The following FIRRM variants were observed in gnomAD, a reference collection of about 807,000 sequenced individuals.
The protein encoded by FIRRM is FIGNL1 interacting regulator of recombination and mitosis.
chr1:169,842,633 A>G, the FIRRM span: 18 of 1,428,260 alleles, frequency 1.3e-5, no homozygotes, highest in South Asian at 8.4e-5. Context: ...AGTAAAATGT[A>G]TCTAATTCTT....
chr1:169,848,657 G>C, the FIRRM span, among the ~76,000 whole-genome samples: 4 of 152,124 alleles, frequency 2.6e-5, no homozygotes, highest in East Asian at 5.8e-4. Context: ...CAGCTTTTCA[G>C]CTCTCTTGAC....
chr1:169,846,765 A>G, the FIRRM span, among the ~76,000 whole-genome samples: 27 of 152,346 alleles, frequency 1.8e-4, no homozygotes, highest in Non-Finnish European at 3.4e-4. Flanking sequence ...CCAGACCACT[A>G]AAACTTTCCA....
At chr1:169,853,222 AGATAGTCT>A in the FIRRM span, 1 of 532,064 alleles carries the variant, frequency 1.9e-6, no homozygotes, top group Non-Finnish European at 3.3e-6. Context: ...CCATTTACTC[AGATAGTCT>A]AACTGTAAAC....
the FIRRM span, chr1:169,843,813 T>G: frequency 8.9e-7 from 1 of 1,121,044 alleles, no homozygotes; most frequent in Non-Finnish European, 1.4e-6. Context: ...CTAAGGAGGT[T>G]GCTAAAACTG....
the FIRRM span, among the ~76,000 whole-genome samples, chr1:169,840,076 T>C: frequency 1.1e-4 from 16 of 152,228 alleles, no homozygotes; most frequent in Admixed American, 1.0e-3. Context: ...TGTGTTTCAT[T>C]GATCCATTTC....
chr1:169,853,940 T>C, the FIRRM span: 1 of 749,854 alleles, frequency 1.3e-6, no homozygotes. Context: ...AAAAGTAGGA[T>C]TACAAAACCA....
the FIRRM span, chr1:169,850,180 T>G: frequency 2.4e-6 from 2 of 822,548 alleles, no homozygotes; most frequent in Non-Finnish European, 4.0e-6. Flanking sequence ...GAATTTTTGG[T>G]TAAGGTAGCT....
the FIRRM span, chr1:169,852,900 TC>T: frequency 2.5e-6 from 4 of 1,614,014 alleles, no homozygotes; most frequent in Admixed American, 6.7e-5. Context: ...TCCAAAAGGG[TC>T]CTGCTCCAGC....
chr1:169,852,179 A>G, the FIRRM span: 2 of 544,844 alleles, frequency 3.7e-6, no homozygotes, highest in South Asian at 4.2e-5. Context: ...GGGAAGTTAC[A>G]TATTGTACCA....
chr1:169,798,071 A>G, the FIRRM span, among the ~76,000 whole-genome samples: 9 of 152,204 alleles, frequency 5.9e-5, no homozygotes, highest in African/African-American at 2.2e-4. Flanking sequence ...ACTTAGGTAT[A>G]AATTAAGTAC....
the FIRRM span, chr1:169,827,329 C>T: frequency 1.2e-6 from 1 of 839,552 alleles, no homozygotes; most frequent in South Asian, 2.1e-5. Flanking sequence ...TTTCTTGAAA[C>T]ATATTTCTTA....
the FIRRM span, among the ~76,000 whole-genome samples, chr1:169,805,652 A>C: frequency 2.0e-5 from 3 of 152,272 alleles, no homozygotes; most frequent in South Asian, 6.2e-4. Flanking sequence ...CTTCCTTTTT[A>C]GATTTTCTTT....
the FIRRM span, among the ~76,000 whole-genome samples, chr1:169,840,448 T>G: frequency 6.6e-6 from 1 of 152,172 alleles, no homozygotes; most frequent in African/African-American, 2.4e-5. Flanking sequence ...CCTCCTTGGT[T>G]AAATGTATTC....
the FIRRM span, among the ~76,000 whole-genome samples, chr1:169,831,294 A>C: frequency 6.6e-6 from 1 of 152,202 alleles, no homozygotes; most frequent in African/African-American, 2.4e-5. Flanking sequence ...TTAAATTCTG[A>C]GGTGTTTTAT....
chr1:169,817,711 T>C, the FIRRM span, among the ~76,000 whole-genome samples: 1 of 152,236 alleles, frequency 6.6e-6, no homozygotes, highest in African/African-American at 2.4e-5. Flanking sequence ...GTAATCAGTA[T>C]AAAACTGTAT....
the FIRRM span, chr1:169,851,673 A>AAG: frequency 1.1e-6 from 1 of 876,960 alleles, no homozygotes; most frequent in Non-Finnish European, 1.8e-6. Context: ...AGATTATACT[A>AAG]AGAGTATTTA....
At chr1:169,794,981 C>G in the FIRRM span, 3 of 750,988 alleles carry the variant, frequency 4.0e-6, no homozygotes, top group Non-Finnish European at 4.4e-6. Context: ...CACCAAGAAA[C>G]CAGCCGCCCT....
At chr1:169,828,979 C>T in the FIRRM span, among the ~76,000 whole-genome samples, 1 of 152,178 alleles carries the variant, frequency 6.6e-6, no homozygotes, top group African/African-American at 2.4e-5. Context: ...ATTTAAGTTT[C>T]AAGTTCCTTG....
chr1:169,837,077 A>G, the FIRRM span: 1 of 1,598,644 alleles, frequency 6.3e-7, no homozygotes, highest in Non-Finnish European at 8.5e-7. Context: ...GAAATGGCTG[A>G]GCAGGAGTCG....
Sources: allele counts gnomAD v4.1 joint callset (sites outside exome capture counted in the v4.1 genomes callset), GRCh38; gene constraint gnomAD v4.1.1; transcripts MANE v1.5; gene names NCBI Gene and HGNC (gene_info 2026-07-23, HGNC 2026-07-21).